The following RBFOX1 variants were observed in gnomAD, a reference collection of about 807,000 sequenced individuals.
RBFOX1 encodes RNA binding fox-1 homolog 1.
In RBFOX1, 8 loss-of-function variants were observed where a neutral mutation model predicts 57.7. The observed-to-expected ratio is 0.14, with a 90% CI of 0.08 to 0.25. The LOEUF (loss-of-function observed/expected upper bound fraction) is 0.25. RBFOX1 is among the 10% of genes least tolerant of loss of function. The pLI, the probability that RBFOX1 is intolerant of heterozygous loss-of-function variation, is 1.00. For missense variants in RBFOX1, 611 were observed against 548.5 expected (o/e 1.11, Z -1.14); for synonymous variants, 326 against 222.4 (o/e 1.47, Z -4.15).
At chr16:5,775,108 A>G (rs964844570) in intron 3 of RBFOX1, among the ~76,000 whole-genome samples, 11 of 152,198 alleles carry the variant, frequency 7.2e-5, no homozygotes, top group African/African-American at 2.4e-4. Flanking sequence ...TTGATCCTTG[A>G]GTGATGGTGT....
chr16:7,475,866 G>T (rs2062572729), intron 4 of RBFOX1, among the ~76,000 whole-genome samples: 1 of 152,208 alleles, frequency 6.6e-6, no homozygotes, highest in East Asian at 1.9e-4. Flanking sequence ...CATTTATTTG[G>T]TGCTTACTAT....
At chr16:6,285,484 G>C (rs1157637246) in intron 1 of RBFOX1, among the ~76,000 whole-genome samples, 1 of 152,110 alleles carries the variant, frequency 6.6e-6, no homozygotes, top group Non-Finnish European at 1.5e-5. Flanking sequence ...TATGGCAAAA[G>C]GTTTTCATCC....
intron 5 of RBFOX1, among the ~76,000 whole-genome samples, chr16:7,538,577 T>C (rs569664747): frequency 7.2e-4 from 109 of 152,340 alleles, no homozygotes; most frequent in African/African-American, 2.6e-3. Flanking sequence ...TAGAATGTTA[T>C]CTTGTAGGAG....
intron 2 of RBFOX1, among the ~76,000 whole-genome samples, chr16:6,611,787 G>A (rs1183750304): frequency 6.6e-6 from 1 of 152,066 alleles, no homozygotes; most frequent in Non-Finnish European, 1.5e-5. Context: ...TTCTCTCTCT[G>A]CTTCCCAAGG....
At chr16:5,313,255 C>G (rs576263195) in intron 1 of RBFOX1, among the ~76,000 whole-genome samples, 3 of 152,246 alleles carry the variant, frequency 2.0e-5, no homozygotes, top group Admixed American at 1.3e-4. Context: ...CTAATTCCCC[C>G]TCTCCAAAGT....
intron 4 of RBFOX1, among the ~76,000 whole-genome samples, chr16:7,476,590 A>G (rs971899415): frequency 2.0e-5 from 3 of 152,246 alleles, no homozygotes; most frequent in African/African-American, 7.2e-5. Context: ...CTAAATGAGT[A>G]ACATTCTGAA....
chr16:6,326,005 C>T (rs1291035072), intron 2 of RBFOX1, among the ~76,000 whole-genome samples: 2 of 152,188 alleles, frequency 1.3e-5, no homozygotes, highest in Non-Finnish European at 2.9e-5. Flanking sequence ...CTCCCACTGA[C>T]TGACTTGTGT....
intron 4 of RBFOX1, among the ~76,000 whole-genome samples, chr16:7,094,293 G>A (rs2061336383): frequency 6.6e-6 from 1 of 152,074 alleles, no homozygotes; most frequent in Non-Finnish European, 1.5e-5. Flanking sequence ...ATTTCGGGAA[G>A]CAATAGAGCA....
intron 2 of RBFOX1, among the ~76,000 whole-genome samples, chr16:6,340,606 T>TGGC (rs2084418851): frequency 1.3e-5 from 2 of 152,206 alleles, no homozygotes; most frequent in African/African-American, 4.8e-5. Flanking sequence ...TAAACTGTCA[T>TGGC]GGCACTGGTG....
At chr16:6,506,358 C>T (rs1031261232) in intron 2 of RBFOX1, among the ~76,000 whole-genome samples, 1 of 151,896 alleles carries the variant, frequency 6.6e-6, no homozygotes, top group African/African-American at 2.4e-5. Context: ...ATGGGGAAGG[C>T]ATTGCAGTAT....
At chr16:5,954,531 T>TA (rs1220492529) in intron 4 of RBFOX1, among the ~76,000 whole-genome samples, 3 of 152,132 alleles carry the variant, frequency 2.0e-5, no homozygotes, top group Non-Finnish European at 4.4e-5. Context: ...CTTCCATTAT[T>TA]AAAAGTGTTC....
intron 5 of RBFOX1, among the ~76,000 whole-genome samples, chr16:7,519,959 C>A (rs886445671): frequency 6.6e-6 from 1 of 152,130 alleles, no homozygotes; most frequent in African/African-American, 2.4e-5. Context: ...GATCTCGGCT[C>A]ACTGCAAGCT....
At chr16:7,274,572 C>G (rs1313185051) in intron 4 of RBFOX1, among the ~76,000 whole-genome samples, 4 of 152,186 alleles carry the variant, frequency 2.6e-5, no homozygotes, top group Non-Finnish European at 5.9e-5. Context: ...CTAATCACTT[C>G]TCTCTGGAAC....
At chr16:7,445,426 T>C (rs1436595587) in intron 4 of RBFOX1, among the ~76,000 whole-genome samples, 5 of 152,184 alleles carry the variant, frequency 3.3e-5, no homozygotes, top group African/African-American at 9.6e-5. Flanking sequence ...AATCACAATA[T>C]TTGCCCTGGA....
At chr16:7,325,434 C>A (rs1212676213) in intron 4 of RBFOX1, among the ~76,000 whole-genome samples, 4 of 152,172 alleles carry the variant, frequency 2.6e-5, no homozygotes, top group Non-Finnish European at 5.9e-5. Flanking sequence ...GGGAGCCAGG[C>A]ATGGTAAGAA....
intron 11 of RBFOX1, among the ~76,000 whole-genome samples, chr16:7,632,178 G>A (rs2061077785): frequency 6.6e-6 from 1 of 152,130 alleles, no homozygotes; most frequent in African/African-American, 2.4e-5. Flanking sequence ...CAAAGTACTG[G>A]AATTACAGGC....
chr16:5,347,620 CT>C (rs1470302653), intron 1 of RBFOX1, among the ~76,000 whole-genome samples: 2 of 150,932 alleles, frequency 1.3e-5, no homozygotes, highest in Admixed American at 6.6e-5. Flanking sequence ...TCCCATCCCC[CT>C]ATCAACACAT....
chr16:6,790,439 C>A (rs1174564131), intron 3 of RBFOX1, among the ~76,000 whole-genome samples: 1 of 152,142 alleles, frequency 6.6e-6, no homozygotes, highest in Non-Finnish European at 1.5e-5. Context: ...CCCACCTCGG[C>A]CTCCCAAAGT....
Position 7,001,210 on chromosome 16 carries a change from C to G in RBFOX1, c.-15-50847C>G, listed in dbSNP as rs187487912. ...CTAATGATCATTCTAAATGTCCATT[C>G]TGAAGCTCTGTTGTTGGCCAGTGGG... On this transcript the variant is annotated intron_variant, in intron 3 of 15. Transcript: ENST00000550418. Among the ~76,000 whole-genome samples, 41 of 152,152 alleles carry G rather than the reference C, an allele frequency of 2.7e-4. 1 individual carries two copies. In the East Asian group the frequency reaches 7.0e-3, roughly 26 times the overall value.
Sources: gnomAD v4.1 joint callset for allele counts (sites outside exome capture counted in the v4.1 genomes callset) on GRCh38, gnomAD v4.1.1 for gene constraint, MANE v1.5 for transcripts, NCBI Gene and HGNC (gene_info 2026-07-23, HGNC 2026-07-21) for gene names.